Variants in LMTK3 observed in about 807,000 individuals in gnomAD.
LMTK3 encodes lemur tail kinase 3, also known as serine/threonine-protein kinase LMTK3.
Under a neutral mutation model 116.7 loss-of-function variants are expected in LMTK3, and 27 were observed. The observed-to-expected ratio is 0.23, with a 90% confidence interval of 0.17 to 0.32. The LOEUF (loss-of-function observed/expected upper bound fraction) is 0.32, where lower values mean the gene tolerates loss of function less well. Ranked by LOEUF, LMTK3 falls within the 10% of genes least tolerant of loss-of-function variation. LMTK3 has a pLI of 1.00. For missense variants in LMTK3, 1,764 were observed against 2,068.5 expected (o/e 0.85, Z 2.86); for synonymous variants, 965 against 971.0 (o/e 0.99, Z 0.11).
intron 5 of LMTK3, among the ~76,000 whole-genome samples, chr19:48,505,103 C>CTCTCTCTTT (rs1555901916): frequency 3.6e-5 from 2 of 55,572 alleles, no homozygotes; most frequent in Non-Finnish European, 5.9e-5. Flanking sequence ...CTCTCTCTCT[C>CTCTCTCTTT]TTTTTTTTTT....
chr19:48,499,443 C>T lies in LMTK3; in HGVS notation c.1626G>A (p.Leu542=). The part of the protein sequence containing the change: ...PSVSSEYYIR[L]EEHGSPPEPL... Reference sequence around the variant, plus strand: ...GCTCAGGAGGGGAGCCGTGCTCCTCCAAGCGGATGTAGTACTCGCTGCTCA... The same window carrying T: ...GCTCAGGAGGGGAGCCGTGCTCCTCTAAGCGGATGTAGTACTCGCTGCTCA... The change falls in exon 11 of 15, where the codon TTG becomes TTA. Residue 542 remains leucine, a synonymous_variant. Transcript: ENST00000600059. 6.8e-7 allele frequency: 1 copy of T among 1,472,758 alleles called. No homozygotes were observed. Among genetic ancestry groups the T allele is most frequent in the East Asian group, 2.5e-5 (1 of 39,906 alleles). The allele number at this position is 1,472,758 out of a possible 1,614,324, so 91.2% of individuals were successfully genotyped here.
Position 48,501,272 on chromosome 19 carries a change from G to A in LMTK3, c.1001+11C>T. ...TGGCCTGCCTCGGCCCCCGCGGCCC[G>A]TGGTCCTCACCAGATGTTGCTCTCG... On this transcript the variant is annotated intron_variant, in intron 9 of 14. Transcript: ENST00000600059. The A allele has an allele frequency of 6.2e-7, 1 of 1,612,828 alleles. No homozygotes were observed. Among genetic ancestry groups the A allele is most frequent in the Non-Finnish European group, 8.5e-7 (1 of 1,179,236 alleles).
chr19:48,498,779 C>G lies in LMTK3; in HGVS notation c.2290G>C (p.Ala764Pro). 3.4e-6 allele frequency: 1 copy of G among 296,608 alleles called. No homozygotes were observed. The highest frequency in any genetic ancestry group is 4.7e-6 in the Non-Finnish European group (1 of 213,794). 18.4% of individuals were successfully genotyped at this position (296,608 alleles called of 1,614,324 possible). Residue 764 changes from alanine to proline, a missense_variant, in exon 11 of 15, where the codon GCG becomes CCG. Around this residue, in one of 7 missense-constraint regions of LMTK3, gnomAD observed 1,028 missense variants for 1,050.6 expected, o/e 0.98. Coordinates refer to ENST00000600059, the MANE Select transcript of LMTK3 (RefSeq NM_001388485.1). The part of the protein sequence containing the change: ...PPPPPPPRAP[A>P]DPAASPDPPS... ...GGGTCGGGGGACGCGGCCGGGTCCG[C>G]GGGGGCCCGAGGAGGTGGCGGCGGG...
chr19:48,505,187 C>T (rs930732842), intron 5 of LMTK3, among the ~76,000 whole-genome samples: 7 of 135,052 alleles, frequency 5.2e-5, no homozygotes, highest in Non-Finnish European at 1.1e-4. Flanking sequence ...AATCTTGGCT[C>T]ACTGCAACCT....
chr19:48,503,648 G>A (rs538768552), intron 5 of LMTK3, among the ~76,000 whole-genome samples: 2 of 151,958 alleles, frequency 1.3e-5, no homozygotes, highest in East Asian at 3.9e-4. Context: ...GCCCTCTGTC[G>A]ATCCCCAGCA....
At position 48,493,987 on chromosome 19, in the gene LMTK3, C is replaced by G; in HGVS notation, c.3799G>C (p.Gly1267Arg). The change falls in exon 12 of 15, where the codon GGG becomes CGG. Residue 1267 changes from glycine to arginine, a missense_variant. Physicochemically the swap from Gly to Arg is moderately radical, Grantham distance 125. Around this residue, in one of 7 missense-constraint regions of LMTK3, gnomAD observed 281 missense variants for 301.4 expected, o/e 0.93. Transcript: ENST00000600059. ...DAGAAGGEAG[G>R]AGAPGPAEED... ...TCCGCCGGCCCCGGCGCTCCCGCCC[C>G]GCCGGCCTCCCCGCCAGCCGCCCCG... 9.4e-7 allele frequency: 1 copy of G among 1,063,776 alleles called. No individual in the cohort carries two copies. Among genetic ancestry groups the G allele is most frequent in the Non-Finnish European group, 1.1e-6 (1 of 884,506 alleles). 65.9% of individuals were successfully genotyped at this position (1,063,776 alleles called of 1,614,324 possible).
intron 5 of LMTK3, 113 bp downstream of exon 5, chr19:48,508,738 C>A: frequency 1.2e-6 from 1 of 857,756 alleles, no homozygotes; most frequent in Non-Finnish European, 2.0e-6. Flanking sequence ...AGTTCTCCTG[C>A]CAGAGCTGCA....
At chr19:48,496,296 C>CTTTTTTTTTTTT (rs1365263028) in intron 11 of LMTK3, among the ~76,000 whole-genome samples, 1 of 142,202 alleles carries the variant, frequency 7.0e-6, no homozygotes, top group African/African-American at 2.7e-5. Context: ...TTTTCTTTTT[C>CTTTTTTTTTTTT]TTTTCTTTTT....
chr19:48,492,888 C>T (rs918614394), intron 12 of LMTK3, among the ~76,000 whole-genome samples: 2 of 152,204 alleles, frequency 1.3e-5, no homozygotes, highest in Non-Finnish European at 1.5e-5. Context: ...CCCTAGGTCC[C>T]GCCCCAGCTC....
chr19:48,486,047 C>CTTTTTTTTTT (rs141193575), intron 14 of LMTK3, among the ~76,000 whole-genome samples: 2 of 59,712 alleles, frequency 3.3e-5, no homozygotes, highest in African/African-American at 7.7e-5. Context: ...AACATTCTTC[C>CTTTTTTTTTT]TTTTTTTTTT....
At chr19:48,495,466 C>A (rs1256010688) in intron 11 of LMTK3, among the ~76,000 whole-genome samples, 2 of 152,226 alleles carry the variant, frequency 1.3e-5, no homozygotes, top group Middle Eastern at 3.4e-3. Flanking sequence ...CTCTTTTCAC[C>A]CCCCAATCCT....
intron 2 of LMTK3, 116 bp from the exon 3 acceptor site, chr19:48,510,289 C>G (rs1313573453): frequency 7.1e-7 from 1 of 1,409,564 alleles, no homozygotes; most frequent in African/African-American, 1.4e-5. Flanking sequence ...AGTCCCAGCC[C>G]AATTTCCATC....
At chr19:48,495,135 G>A (rs896466284) in intron 11 of LMTK3, among the ~76,000 whole-genome samples, 1 of 151,704 alleles carries the variant, frequency 6.6e-6, no homozygotes. Flanking sequence ...TCAGCCTCCC[G>A]AGTAGCTGGG....
At chr19:48,512,437 T>G (rs1601061709), upstream of LMTK3, among the ~76,000 whole-genome samples, 1 of 152,238 alleles carries the variant, frequency 6.6e-6, no homozygotes, top group Admixed American at 6.5e-5. Context: ...CGGACACCAC[T>G]GTGACATGCT....
intron 7 of LMTK3, 144 bp downstream of exon 7, chr19:48,502,289 C>T: frequency 3.1e-6 from 3 of 978,694 alleles, no homozygotes; most frequent in African/African-American, 1.7e-5. Context: ...CTCCTGGCCC[C>T]TTCTCCTCCA....
chr19:48,513,127 C>G (rs780870980), upstream of LMTK3: 14 of 1,592,856 alleles, frequency 8.8e-6, no homozygotes, highest in Admixed American at 1.8e-5. This position sits in a 1 kb window ranked among gnomAD's most constrained non-coding sequence, Gnocchi z 5.6. Flanking sequence ...ACACACGGGT[C>G]GCAAATACCC....
rs748057251 is a variant in LMTK3, at chr19:48,498,173, G to C, written c.2896C>G (p.Pro966Ala). The C allele has an allele frequency of 1.2e-6, 2 of 1,613,284 alleles. No homozygotes were observed. The highest frequency in any genetic ancestry group is 1.7e-6 in the Non-Finnish European group (2 of 1,179,684). ...EKVLENGELT[P>A]PRREEKALEN... ...AGCGCTTTCTCCTCCCTCCTTGGGG[G>C]TGTCAGCTCCCCATTCTCCAGCACT... Residue 966 changes from proline to alanine, a missense_variant, in exon 11 of 15, where the codon CCC becomes GCC. Transcript: ENST00000600059.
Position 48,498,097 on chromosome 19 carries a change from T to C in LMTK3, c.2972A>G (p.Asn991Ser). 4 of 1,613,286 alleles carry C rather than the reference T, an allele frequency of 2.5e-6. No individual in the cohort carries two copies. Among genetic ancestry groups the C allele is most frequent in the Non-Finnish European group, 3.4e-6 (4 of 1,179,790 alleles). ...GCTCTTTGGGGGTGTCAGGCCCCCA[T>C]TCACCAGCACCTTCTCCCCGGCCTC... ...SPEAGEKVLVNGGLTPPKSED... is the reference protein window; with the variant it reads ...SPEAGEKVLVSGGLTPPKSED... Residue 991 changes from asparagine to serine, a missense_variant, in exon 11 of 15, where the codon AAT becomes AGT. By Grantham distance (46) the Asn-to-Ser change is conservative. Around this residue, in one of 7 missense-constraint regions of LMTK3, gnomAD observed 1,028 missense variants for 1,050.6 expected, o/e 0.98. Transcript: ENST00000600059.
rs1430847202 is a variant in LMTK3, at chr19:48,491,416, C to G, written c.4216G>C (p.Asp1406His). 1 of 1,405,146 alleles carries G rather than the reference C, an allele frequency of 7.1e-7. No individual in the cohort carries two copies. Among genetic ancestry groups the G allele is most frequent in the Non-Finnish European group, 9.3e-7 (1 of 1,078,726 alleles). The allele number at this position is 1,405,146 out of a possible 1,614,324, so 87.0% of individuals were successfully genotyped here. A position where few individuals can be genotyped will look rare whatever the true frequency, so the allele number is the denominator to read the frequency against. ...GGCCCGTCCTCACCAAAGCCGCTGTCGTTGCTGGGAAACCCATCTCCGGGG... is the reference window on the plus strand; with the variant it reads ...GGCCCGTCCTCACCAAAGCCGCTGTGGTTGCTGGGAAACCCATCTCCGGGG... ...ATPGDGFPSN[D>H]SGFGGSFEWA... Residue 1406 changes from aspartate to histidine, a missense_variant, in exon 13 of 15, where the codon GAC becomes CAC. By Grantham distance (81) the Asp-to-His change is moderately conservative. Transcript: ENST00000600059. This position sits in a 1 kb window ranked among gnomAD's most constrained non-coding sequence, Gnocchi z 5.1.
Sources: allele counts gnomAD v4.1 joint callset (sites outside exome capture counted in the v4.1 genomes callset), GRCh38; gene constraint gnomAD v4.1.1; regional missense constraint gnomAD v4.1.1; non-coding constraint Gnocchi (gnomAD v3.1); transcripts MANE v1.5; gene names NCBI Gene and HGNC (gene_info 2026-07-23, HGNC 2026-07-21).